The following CHD7 variants were observed in gnomAD, a reference collection of about 807,000 sequenced individuals.
CHD7 encodes ATP-dependent chromatin remodeler CHD7.
Under a neutral mutation model 307.3 loss-of-function variants are expected in CHD7, and 24 were observed. The ratio of observed to expected loss-of-function variants is 0.08; its 90% CI spans 0.06 to 0.11. CHD7 has a LOEUF of 0.11. Ranked by LOEUF, CHD7 falls within the 10% of genes least tolerant of loss-of-function variation. CHD7 has a pLI of 1.00. For synonymous variants in CHD7, 1,363 were observed against 1,349.9 expected (o/e 1.01, Z -0.21); for missense variants, 3,106 against 3,727.1 (o/e 0.83, Z 4.34).
In CHD7 at chr8:60,719,243, A is replaced by G. The variant is rs142144063; in HGVS notation, c.-174-22016A>G. Reference sequence around the variant, plus strand: ...GGTAGGAAACTTTGGAGATTGGCAGACTTCCTTTTTTGATTCAAGTAAGTC... The same window carrying G: ...GGTAGGAAACTTTGGAGATTGGCAGGCTTCCTTTTTTGATTCAAGTAAGTC... On this transcript the variant is annotated intron_variant, in intron 1 of 37. Coordinates refer to ENST00000423902, the MANE Select transcript of CHD7 (RefSeq NM_017780.4). Among the ~76,000 whole-genome samples the G allele has an allele frequency of 1.9e-4, 29 of 152,306 alleles. 1 individual carries two copies. Among genetic ancestry groups the G allele is most frequent in the East Asian group, 1.3e-3 (7 of 5,188 alleles).
intron 3 of CHD7, among the ~76,000 whole-genome samples, chr8:60,783,395 A>G (rs1315487405): frequency 6.6e-6 from 1 of 152,186 alleles, no homozygotes; most frequent in African/African-American, 2.4e-5. Flanking sequence ...TTCTTGGTGC[A>G]AATATAGACC....
At chr8:60,862,523 T>C (rs1806045878) in intron 36 of CHD7, 25 bp from the exon 37 acceptor site, 1 of 1,547,384 alleles carries the variant, frequency 6.5e-7, no homozygotes, top group Non-Finnish European at 8.8e-7. Flanking sequence ...GTGTTTTTAA[T>C]CATTTGTCAA....
At chr8:60,744,553 G>GA (rs910302205) in intron 2 of CHD7, among the ~76,000 whole-genome samples, 12 of 93,486 alleles carry the variant, frequency 1.3e-4, no homozygotes, top group South Asian at 3.4e-4. Context: ...TTAAAAAAAA[G>GA]AAAAAAAAAG....
intron 1 of CHD7, among the ~76,000 whole-genome samples, chr8:60,692,538 G>A (rs899308256): frequency 6.6e-6 from 1 of 152,202 alleles, no homozygotes. Context: ...CATCTTAAAA[G>A]GTAATTTAGT....
At chr8:60,800,357 TC>T (rs1563611710) in intron 4 of CHD7, 30 bp from the exon 5 acceptor site, 1 of 1,605,954 alleles carries the variant, frequency 6.2e-7, no homozygotes. Flanking sequence ...ATCATTAATT[TC>T]AAGGCCACTG....
chr8:60,702,963 A>ACGTGGTGGC, intron 1 of CHD7, among the ~76,000 whole-genome samples: 1 of 152,306 alleles, frequency 6.6e-6, no homozygotes, highest in Admixed American at 6.5e-5. Flanking sequence ...GGCAGAAAAG[A>ACGTGGTGGC]AGGCCGCTCT....
rs1255448108 is a variant in CHD7 at position 60,845,392 on chromosome 8, G to A, written c.5193G>A (p.Leu1731=). 1 of 1,613,896 alleles carries A rather than the reference G, an allele frequency of 6.2e-7. No homozygotes were observed. The highest frequency in any genetic ancestry group is 2.2e-5 in the East Asian group (1 of 44,880). Residue 1731 remains leucine (L), a synonymous_variant, in exon 23 of 38, where the codon CTG becomes CTA. Transcript: ENST00000423902. The part of the protein sequence containing the change: ...LFQEDSYKKH[L]KHHCNKVLLR... ...AGGAGGACAGCTACAAGAAACACCT[G>A]AAGCATCACTGTAACAAGTATGTTA...
chr8:60,842,872 T>G (rs1223303555), intron 21 of CHD7, among the ~76,000 whole-genome samples: 4 of 152,212 alleles, frequency 2.6e-5, no homozygotes, highest in African/African-American at 9.7e-5. Flanking sequence ...TAGTCCAAGC[T>G]TCTGTTAGGA....
rs1405854797 is a variant in CHD7, at chr8:60,856,242, C to A, written c.7164+40C>A. On this transcript the variant is annotated intron_variant, in intron 33 of 37. Coordinates refer to ENST00000423902, the MANE Select transcript of CHD7 (RefSeq NM_017780.4). ...CTTGTTTCTGCAGCTTAAAAGGGAG[C>A]TCTCTAAGCCTTAACTGAGTTTGCG... is the stretch of plus-strand genomic sequence containing the variant. 6.2e-6 allele frequency: 9 copies of A among 1,450,018 alleles called. No homozygotes were observed. In the African/African-American group the frequency reaches 1.0e-4, roughly 16 times the overall value. 89.8% of individuals were successfully genotyped at this position (1,450,018 alleles called of 1,614,324 possible). A position where few individuals can be genotyped will look rare whatever the true frequency, so the allele number is the denominator to read the frequency against.
chr8:60,833,863 C>T (rs6471904), intron 15 of CHD7, among the ~76,000 whole-genome samples: 28,764 of 152,134 alleles, frequency 0.19, 3,794 homozygotes, highest in African/African-American at 0.37. Flanking sequence ...CTTTCCTCCC[C>T]AACACTCTTC....
At chr8:60,843,383 G>A (rs1805059490) in intron 21 of CHD7, among the ~76,000 whole-genome samples, 1 of 152,182 alleles carries the variant, frequency 6.6e-6, no homozygotes, top group Admixed American at 6.5e-5. Context: ...GAGTTCTGTG[G>A]GTAACTTTAG....
At chr8:60,754,340 C>G (rs1809783372) in intron 2 of CHD7, among the ~76,000 whole-genome samples, 1 of 152,188 alleles carries the variant, frequency 6.6e-6, no homozygotes, top group African/African-American at 2.4e-5. Flanking sequence ...ACCGATTATA[C>G]AGAATTATGA....
chr8:60,685,482 A>G (rs1805836329), intron 1 of CHD7, among the ~76,000 whole-genome samples: 1 of 152,070 alleles, frequency 6.6e-6, no homozygotes, highest in East Asian at 1.9e-4. Context: ...GTTGCTAGTC[A>G]CATATTAGGG....
intron 4 of CHD7, among the ~76,000 whole-genome samples, chr8:60,797,475 G>A (rs2150702843): frequency 6.6e-6 from 1 of 152,278 alleles, no homozygotes; most frequent in South Asian, 2.1e-4. Context: ...CTGTCTTATT[G>A]TACTGGATGG....
intron 1 of CHD7, among the ~76,000 whole-genome samples, chr8:60,713,506 G>T (rs1010015371): frequency 6.6e-6 from 1 of 152,188 alleles, no homozygotes; most frequent in African/African-American, 2.4e-5. Context: ...ATAGGCAATT[G>T]TTGGACAGTT....
chr8:60,809,671 A>G (rs1459006312), intron 7 of CHD7: 1 of 20,060 alleles, frequency 5.0e-5, no homozygotes, highest in African/African-American at 1.2e-4. Context: ...GAGTTTTGAA[A>G]AAAAAAAAAA....
At position 60,851,015 on chromosome 8, in the gene CHD7, G is replaced by A. The variant is rs1328834175; in HGVS notation, c.5535-17G>A. The A allele has an allele frequency of 2.7e-6, 4 of 1,500,274 alleles. No individual in the cohort carries two copies. The highest frequency in any genetic ancestry group is 2.7e-6 in the Non-Finnish European group (3 of 1,114,278). 92.9% of individuals were successfully genotyped at this position (1,500,274 alleles called of 1,614,324 possible). A position where few individuals can be genotyped will look rare whatever the true frequency, so the allele number is the denominator to read the frequency against. ...TATCAGTATGATTCAAATAATTTTTGTGTTTGTTTTACATAGGGGAGAATT... is the reference window on the plus strand; with the variant it reads ...TATCAGTATGATTCAAATAATTTTTATGTTTGTTTTACATAGGGGAGAATT... On this transcript the variant is annotated splice_polypyrimidine_tract_variant and intron_variant, in intron 26 of 37. Transcript: ENST00000423902.
In CHD7 at chr8:60,856,182, A is replaced by G; in HGVS notation, c.7144A>G (p.Thr2382Ala). 1.3e-6 allele frequency: 2 copies of G among 1,593,776 alleles called. No homozygotes were observed. The highest frequency in any genetic ancestry group is 2.3e-5 in the South Asian group (2 of 87,832). The change falls in exon 33 of 38, where the codon ACG becomes GCG. Residue 2382 changes from threonine to alanine, a missense_variant. Physicochemically the swap from Thr to Ala is moderately conservative, Grantham distance 58 (BLOSUM62 0). Around this residue, in one of 10 missense-constraint regions of CHD7, gnomAD observed 1,030 missense variants for 1,165.4 expected, o/e 0.88. Transcript: ENST00000423902. ...ASISGSEDIT[T>A]SPQLSKEDAL... Reference sequence around the variant, plus strand: ...CATTAGTGGGAGTGAGGACATCACTACGTCTCCTCAGTTGTCAAAGGTGAA... The same window carrying G: ...CATTAGTGGGAGTGAGGACATCACTGCGTCTCCTCAGTTGTCAAAGGTGAA...
chr8:60,797,456 G>T (rs1479877106), intron 4 of CHD7, among the ~76,000 whole-genome samples: 2 of 152,154 alleles, frequency 1.3e-5, no homozygotes, highest in African/African-American at 2.4e-5. Flanking sequence ...TTAAAAAGAA[G>T]AAAGCACACT....
Sources: allele counts gnomAD v4.1 joint callset (sites outside exome capture counted in the v4.1 genomes callset), GRCh38; gene constraint gnomAD v4.1.1; regional missense constraint gnomAD v4.1.1; transcripts MANE v1.5; gene names NCBI Gene and HGNC (gene_info 2026-07-23, HGNC 2026-07-21).